NLGN1: variants seen among roughly 807,000 people sequenced by gnomAD.
NLGN1 encodes neuroligin 1.
NLGN1 carries 12 observed loss-of-function variants against 65.5 expected under a neutral mutation model. The observed-to-expected ratio is 0.18, with a 90% CI of 0.12 to 0.30. The LOEUF is 0.30. NLGN1 is among the 10% of genes least tolerant of loss of function. The probability of loss-of-function intolerance (pLI) is 1.00; values close to 1 mark genes in which losing one functional copy is unlikely to be tolerated. For synonymous variants in NLGN1, 350 were observed against 359.5 expected, an observed-to-expected ratio of 0.97 and a Z score of 0.30; for missense variants, 750 against 1,007.1, an observed-to-expected ratio of 0.74 and a Z score of 3.46.
chr3:173,577,075 C>T (rs969654307), intron 2 of NLGN1, among the ~76,000 whole-genome samples: 1 of 152,104 alleles, frequency 6.6e-6, no homozygotes, highest in African/African-American at 2.4e-5. Context: ...GTCTGTGAGT[C>T]TATGAAGGAA....
At chr3:174,274,980 A>G (rs1022542038) in intron 4 of NLGN1, among the ~76,000 whole-genome samples, 1 of 151,822 alleles carries the variant, frequency 6.6e-6, no homozygotes, top group African/African-American at 2.4e-5. Context: ...CATGAACCCT[A>G]TGATACTATC....
At chr3:173,765,498 TGTTTTGAAA>T (rs1778651363) in intron 3 of NLGN1, among the ~76,000 whole-genome samples, 1 of 152,200 alleles carries the variant, frequency 6.6e-6, no homozygotes, top group South Asian at 2.1e-4. Flanking sequence ...CTTGTCTTTC[TGTTTTGAAA>T]TTTCAATTTT....
intron 4 of NLGN1, among the ~76,000 whole-genome samples, chr3:174,030,559 G>T (rs376245290): frequency 6.6e-6 from 1 of 152,172 alleles, no homozygotes; most frequent in African/African-American, 2.4e-5. Context: ...TAATCATATT[G>T]TGATTCTTAA....
At chr3:174,291,494 T>TA (rs1199971282), downstream of NLGN1, among the ~76,000 whole-genome samples, 1 of 151,230 alleles carries the variant, frequency 6.6e-6, no homozygotes, top group African/African-American at 2.4e-5. Flanking sequence ...CACATCTAGC[T>TA]AAAATCACCA....
chr3:173,471,001 T>G (rs1725226977), intron 2 of NLGN1, among the ~76,000 whole-genome samples: 1 of 152,082 alleles, frequency 6.6e-6, no homozygotes, highest in Admixed American at 6.6e-5. Context: ...ACTGCTTGCA[T>G]GCTCTGGAAT....
intron 2 of NLGN1, among the ~76,000 whole-genome samples, chr3:173,477,597 A>C (rs1726452227): frequency 6.6e-6 from 1 of 152,176 alleles, no homozygotes; most frequent in African/African-American, 2.4e-5. Context: ...TGTAAGGGAC[A>C]AGCACAGAAA....
At chr3:173,833,266 T>C (rs1722949802) in intron 4 of NLGN1, among the ~76,000 whole-genome samples, 1 of 152,174 alleles carries the variant, frequency 6.6e-6, no homozygotes, top group Non-Finnish European at 1.5e-5. Flanking sequence ...TTTCAAACCA[T>C]GTGCACTACA....
intron 2 of NLGN1, among the ~76,000 whole-genome samples, chr3:173,574,268 A>G (rs1184014374): frequency 6.6e-6 from 1 of 151,820 alleles, no homozygotes; most frequent in East Asian, 1.9e-4. Context: ...AAGTCAATTG[A>G]ATGCTGTCAA....
At chr3:173,470,654 G>C (rs965879430) in intron 2 of NLGN1, among the ~76,000 whole-genome samples, 1 of 152,194 alleles carries the variant, frequency 6.6e-6, no homozygotes, top group Non-Finnish European at 1.5e-5. Flanking sequence ...TTAAATGAGA[G>C]AACATTTCCA....
chr3:173,789,733 C>T (rs994427942), intron 3 of NLGN1: 3 of 425,140 alleles, frequency 7.1e-6, no homozygotes, highest in African/African-American at 2.0e-5. Context: ...CTCACAGCTT[C>T]ACAATCTGGG....
At chr3:174,151,733 C>T (rs554311970) in intron 4 of NLGN1, among the ~76,000 whole-genome samples, 1 of 152,054 alleles carries the variant, frequency 6.6e-6, no homozygotes. Context: ...CTGCATTAAG[C>T]GCTGAGTGAC....
chr3:173,646,805 A>G (rs910517860), intron 3 of NLGN1, among the ~76,000 whole-genome samples: 1 of 152,216 alleles, frequency 6.6e-6, no homozygotes, highest in Non-Finnish European at 1.5e-5. Flanking sequence ...AACATATTGA[A>G]AACACATAAT....
At chr3:173,968,975 A>T (rs1335005953) in intron 4 of NLGN1, among the ~76,000 whole-genome samples, 1 of 152,030 alleles carries the variant, frequency 6.6e-6, no homozygotes, top group Non-Finnish European at 1.5e-5. Context: ...TGCTGAGATT[A>T]CAGAGATGAG....
chr3:173,594,128 C>G (rs1749040348), intron 2 of NLGN1, among the ~76,000 whole-genome samples: 1 of 152,166 alleles, frequency 6.6e-6, no homozygotes, highest in South Asian at 2.1e-4. Flanking sequence ...ATCATGCCTT[C>G]CCAACAGTCC....
intron 4 of NLGN1, among the ~76,000 whole-genome samples, chr3:174,050,417 A>C (rs929811356): frequency 1.3e-5 from 2 of 151,996 alleles, no homozygotes; most frequent in Non-Finnish European, 2.9e-5. Flanking sequence ...TTCTGTTTTC[A>C]GTCCAGGATT....
At chr3:173,555,163 A>C (rs1421003941) in intron 2 of NLGN1, among the ~76,000 whole-genome samples, 1 of 152,228 alleles carries the variant, frequency 6.6e-6, no homozygotes, top group Non-Finnish European at 1.5e-5. Flanking sequence ...CAGATGAAGG[A>C]AATTCATTAT....
chr3:174,253,470 C>CATG (rs1191195556), intron 4 of NLGN1, among the ~76,000 whole-genome samples: 2 of 152,134 alleles, frequency 1.3e-5, no homozygotes, highest in African/African-American at 4.8e-5. Context: ...CATTTCACCT[C>CATG]ATGTATATTA....
chr3:174,109,062 C>A (rs1714623457), intron 4 of NLGN1, among the ~76,000 whole-genome samples: 1 of 151,860 alleles, frequency 6.6e-6, no homozygotes, highest in Admixed American at 6.6e-5. Flanking sequence ...AAGATACAGG[C>A]TAAATATTTT....
chr3:173,767,031 T>C (rs1005933455), intron 3 of NLGN1, among the ~76,000 whole-genome samples: 3 of 152,192 alleles, frequency 2.0e-5, no homozygotes, highest in African/African-American at 7.2e-5. Flanking sequence ...ATAACATAAA[T>C]AGTAATTACA....
Sources: gnomAD v4.1 joint callset for allele counts (sites outside exome capture counted in the v4.1 genomes callset) on GRCh38, gnomAD v4.1.1 for gene constraint, MANE v1.5 for transcripts, NCBI Gene and HGNC (gene_info 2026-07-23, HGNC 2026-07-21) for gene names.